Variants in NAV2 observed in about 807,000 individuals in gnomAD.
NAV2 encodes helicase, APC down-regulated 1.
In NAV2, 54 loss-of-function variants were observed where a neutral mutation model predicts 223.2. The ratio of observed to expected loss-of-function variants is 0.24; its 90% CI spans 0.19 to 0.30. The LOEUF is 0.30. Among genes scored for constraint, NAV2 ranks in the 10% least tolerant of loss-of-function variants. The probability of loss-of-function intolerance (pLI) is 1.00; values close to 1 mark genes in which losing one functional copy is unlikely to be tolerated. For synonymous variants in NAV2, 1,279 were observed against 1,239.3 expected, an observed-to-expected ratio of 1.03 and a Z score of -0.67; for missense variants, 2,806 against 3,147.5, an observed-to-expected ratio of 0.89 and a Z score of 2.60.
intron 1 of NAV2, among the ~76,000 whole-genome samples, chr11:19,570,692 A>G (rs188619981): frequency 6.6e-6 from 1 of 152,218 alleles, no homozygotes; most frequent in Non-Finnish European, 1.5e-5. Flanking sequence ...AGATGCTAAC[A>G]TCATTAGTCA....
chr11:19,886,707 C>G (rs1253767421), intron 5 of NAV2, among the ~76,000 whole-genome samples: 1 of 152,158 alleles, frequency 6.6e-6, no homozygotes, highest in East Asian at 1.9e-4. Flanking sequence ...AGCACATGCC[C>G]ATCCCGTGAA....
chr11:19,378,641 G>A (rs927046329), intron 1 of NAV2, among the ~76,000 whole-genome samples: 11 of 151,056 alleles, frequency 7.3e-5, no homozygotes, highest in Non-Finnish European at 1.0e-4. Flanking sequence ...AGTCGCTCAC[G>A]GAGGAGATGC....
chr11:19,892,385 G>A (rs1412364368), intron 5 of NAV2, 49 bp from the exon 6 acceptor site: 1 of 1,580,232 alleles, frequency 6.3e-7, no homozygotes, highest in South Asian at 1.2e-5. Flanking sequence ...CCTACACACT[G>A]TTATTCTTCT....
chr11:19,900,288 T>C (rs2042343294), intron 6 of NAV2, among the ~76,000 whole-genome samples: 1 of 58,658 alleles, frequency 1.7e-5, no homozygotes, highest in African/African-American at 3.1e-5. Flanking sequence ...CAAGAAGTTG[T>C]ATCAAAGTCT....
intron 1 of NAV2, among the ~76,000 whole-genome samples, chr11:19,466,813 G>T (rs1212081677): frequency 6.6e-6 from 1 of 152,174 alleles, no homozygotes; most frequent in African/African-American, 2.4e-5. Context: ...GGCACTAATT[G>T]TTACAGAGAT....
intron 1 of NAV2, among the ~76,000 whole-genome samples, chr11:19,493,314 C>T (rs957674381): frequency 6.6e-5 from 10 of 152,124 alleles, no homozygotes; most frequent in African/African-American, 2.2e-4. Flanking sequence ...AATTTAAAAT[C>T]ATATCACATA....
At chr11:20,075,532 C>T (rs372007375) in intron 22 of NAV2, among the ~76,000 whole-genome samples, 9 of 152,182 alleles carry the variant, frequency 5.9e-5, no homozygotes, top group South Asian at 2.1e-4. Flanking sequence ...TGAGCTACCA[C>T]GCCTGGCCTG....
At chr11:20,066,031 C>T (rs1481253603) in intron 20 of NAV2, among the ~76,000 whole-genome samples, 1 of 152,236 alleles carries the variant, frequency 6.6e-6, no homozygotes, top group East Asian at 1.9e-4. Context: ...TCCTGTGCCT[C>T]AGTTTCCTCA....
chr11:19,524,997 G>A (rs180879441), intron 1 of NAV2, among the ~76,000 whole-genome samples: 1 of 152,270 alleles, frequency 6.6e-6, no homozygotes, highest in Admixed American at 6.5e-5. Context: ...TTAATCCCGG[G>A]TTTGAAATGG....
intron 19 of NAV2, among the ~76,000 whole-genome samples, chr11:20,058,125 G>T (rs370946282): frequency 1.0e-3 from 155 of 152,200 alleles, no homozygotes; most frequent in African/African-American, 2.9e-3. Flanking sequence ...AATTCCTTTC[G>T]TTGAAATTCC....
intron 6 of NAV2, among the ~76,000 whole-genome samples, chr11:19,926,336 CTTTG>C (rs1254801827): frequency 6.6e-6 from 1 of 152,198 alleles, no homozygotes. Context: ...TGTCTCCATT[CTTTG>C]TTTGTCCTCG....
intron 5 of NAV2, among the ~76,000 whole-genome samples, chr11:19,890,131 T>A (rs1270381214): frequency 6.6e-6 from 1 of 152,246 alleles, no homozygotes; most frequent in Non-Finnish European, 1.5e-5. Context: ...ATGGTATAAC[T>A]GTTAACTATT....
At chr11:19,623,697 G>T (rs1056242175) in intron 1 of NAV2, among the ~76,000 whole-genome samples, 1 of 152,100 alleles carries the variant, frequency 6.6e-6, no homozygotes, top group African/African-American at 2.4e-5. Context: ...TAGCTTCTTT[G>T]CGATGGGTTC....
chr11:20,002,500 G>A (rs973780586), intron 11 of NAV2, among the ~76,000 whole-genome samples: 5 of 152,286 alleles, frequency 3.3e-5, no homozygotes, highest in African/African-American at 1.2e-4. Context: ...TCAGAAGGAA[G>A]GCTTCCTGGA....
intron 1 of NAV2, among the ~76,000 whole-genome samples, chr11:19,620,287 T>G (rs980497983): frequency 1.8e-4 from 27 of 152,208 alleles, no homozygotes; most frequent in African/African-American, 5.8e-4. Context: ...TTTTTTCCAA[T>G]TCTGTGAAAA....
Position 20,033,331 on chromosome 11 carries a change from G to A in NAV2, c.2769-2628G>A, listed in dbSNP as rs574082791. 2.0e-5 allele frequency among the ~76,000 whole-genome samples: 3 copies of A among 152,314 alleles called. No individual in the cohort carries two copies. In the East Asian group the frequency reaches 5.8e-4, roughly 29 times the overall value. On this transcript the variant is annotated intron_variant, in intron 11 of 37. Coordinates refer to ENST00000349880, the MANE Select transcript of NAV2 (RefSeq NM_145117.5). The stretch of plus-strand genomic sequence containing the variant: ...CTAAGCAGGCCCCTGCATATATTTG[G>A]ACGATAGGACGGCCCTTTGTATAGA...
intron 1 of NAV2, among the ~76,000 whole-genome samples, chr11:19,622,881 A>G (rs563360783): frequency 6.6e-5 from 10 of 152,248 alleles, no homozygotes; most frequent in South Asian, 2.1e-4. Flanking sequence ...ACAATTTGGC[A>G]TGTTTTTGCA....
At chr11:19,434,171 G>C (rs1443432445) in intron 1 of NAV2, among the ~76,000 whole-genome samples, 1 of 151,930 alleles carries the variant, frequency 6.6e-6, no homozygotes, top group Non-Finnish European at 1.5e-5. Context: ...ATAAGAAACA[G>C]AAGATGTGGT....
At chr11:19,358,556 A>G (rs995552) in intron 1 of NAV2, among the ~76,000 whole-genome samples, 150,393 of 152,306 alleles carry the variant, frequency 0.99, 74,282 homozygotes, top group Middle Eastern at 1. Context: ...TGAATCTCTG[A>G]GGTCACAGTG....
Sources: gnomAD v4.1 joint callset for allele counts (sites outside exome capture counted in the v4.1 genomes callset) on GRCh38, gnomAD v4.1.1 for gene constraint, MANE v1.5 for transcripts, NCBI Gene and HGNC (gene_info 2026-07-23, HGNC 2026-07-21) for gene names.